ZMYM4: variants seen among roughly 807,000 people sequenced by gnomAD.
ZMYM4 encodes the protein zinc finger MYM-type containing 4, also known as zinc finger MYM-type protein 4.
A neutral mutation model predicts 183.2 loss-of-function variants in ZMYM4; 31 were observed. That is an observed-to-expected ratio of 0.17 (90% CI 0.13 to 0.23). The LOEUF is 0.23. Among genes scored for constraint, ZMYM4 ranks in the 10% least tolerant of loss-of-function variants. The pLI, the probability that ZMYM4 is intolerant of heterozygous loss-of-function variation, is 1.00. For missense variants in ZMYM4, 1,273 were observed against 1,840.3 expected (o/e 0.69, Z 5.64); for synonymous variants, 592 against 631.2 (o/e 0.94, Z 0.93).
At chr1:35,372,994 G>A (rs1372062387) in intron 7 of ZMYM4, among the ~76,000 whole-genome samples, 5 of 151,730 alleles carry the variant, frequency 3.3e-5, no homozygotes, top group African/African-American at 7.3e-5. Context: ...CTCCATCTCT[G>A]GTAAAAATAC....
At chr1:35,352,714 C>G (rs1309651617) in intron 2 of ZMYM4, among the ~76,000 whole-genome samples, 1 of 152,188 alleles carries the variant, frequency 6.6e-6, no homozygotes, top group East Asian at 1.9e-4. Flanking sequence ...CACCAGTCTC[C>G]TCATTTTTCT....
intron 7 of ZMYM4, among the ~76,000 whole-genome samples, chr1:35,378,247 C>T (rs756023685): frequency 6.6e-6 from 1 of 152,128 alleles, no homozygotes; most frequent in Non-Finnish European, 1.5e-5. Flanking sequence ...ATTGAAGTTA[C>T]CTACTTCCAA....
intron 2 of ZMYM4, among the ~76,000 whole-genome samples, chr1:35,330,326 A>G (rs1279151511): frequency 2.0e-5 from 3 of 152,184 alleles, no homozygotes; most frequent in Non-Finnish European, 2.9e-5. Context: ...AGATGATAAT[A>G]TGGCTCTGTG....
chr1:35,274,618 A>T (rs371811600), intron 1 of ZMYM4, among the ~76,000 whole-genome samples: 6,953 of 134,464 alleles, frequency 0.052, 567 homozygotes, highest in East Asian at 0.4. Flanking sequence ...TTTTTTTTTA[A>T]AAAAAAAAAA....
At chr1:35,289,186 G>A (rs1398169651) in intron 1 of ZMYM4, among the ~76,000 whole-genome samples, 1 of 152,204 alleles carries the variant, frequency 6.6e-6, no homozygotes. Flanking sequence ...GTTGGTTTTT[G>A]TGTATGATCT....
chr1:35,352,265 GCGCGCACACACACACACA>G (rs1236428925), intron 2 of ZMYM4, among the ~76,000 whole-genome samples: 11 of 85,488 alleles, frequency 1.3e-4, no homozygotes, highest in East Asian at 4.3e-4. Context: ...GCGCACGCGC[GCGCGCACACACACACACA>G]CACACACACA....
Position 35,415,617 on chromosome 1 carries a change from T to C in ZMYM4, c.4212T>C (p.Phe1404=), listed in dbSNP as rs1640083106. The C allele has an allele frequency of 6.2e-7, 1 of 1,614,052 alleles. No homozygotes were observed. ...KNVTEHLKLS[F]AHVMRRTRTL... Reference sequence around the variant, plus strand: ...TTACTGAGCACTTGAAGCTTTCCTTTGCCCATGTGATGAGACGGACCAGGA... The same window carrying C: ...TTACTGAGCACTTGAAGCTTTCCTTCGCCCATGTGATGAGACGGACCAGGA... The change falls in exon 28 of 30, where the codon TTT becomes TTC. Residue 1404 remains phenylalanine (F), a synonymous_variant. Coordinates refer to ENST00000314607, the MANE Select transcript of ZMYM4 (RefSeq NM_005095.3).
At chr1:35,387,787 T>C (rs936715745) in intron 13 of ZMYM4, among the ~76,000 whole-genome samples, 183 bp downstream of exon 13, 1 of 152,244 alleles carries the variant, frequency 6.6e-6, no homozygotes, top group African/African-American at 2.4e-5. Context: ...ATTATGTAGC[T>C]GTTAAAATGA....
At chr1:35,411,187 CTTTTTTT>C (rs1019150941) in intron 26 of ZMYM4, among the ~76,000 whole-genome samples, 10 of 131,484 alleles carry the variant, frequency 7.6e-5, no homozygotes, top group South Asian at 2.4e-4. Context: ...TTTCTTTTTT[CTTTTTTT>C]TTTTTTTTTG....
chr1:35,321,193 G>T (rs1642266448), intron 1 of ZMYM4, among the ~76,000 whole-genome samples: 2 of 152,258 alleles, frequency 1.3e-5, no homozygotes, highest in African/African-American at 4.8e-5. Context: ...AGTTATTATA[G>T]TTGTTACACA....
At chr1:35,285,030 A>G (rs1640405088) in intron 1 of ZMYM4, among the ~76,000 whole-genome samples, 1 of 151,920 alleles carries the variant, frequency 6.6e-6, no homozygotes, top group African/African-American at 2.4e-5. Context: ...GTTCTGTTCT[A>G]TTTGTCTATA....
At chr1:35,349,333 T>C (rs12093076) in intron 2 of ZMYM4, among the ~76,000 whole-genome samples, 9,790 of 152,232 alleles carry the variant, frequency 0.064, 920 homozygotes, top group East Asian at 0.44. Context: ...ATTATCAAAA[T>C]CTTGGCTGAT....
At chr1:35,357,093 T>A (rs1167980616) in intron 2 of ZMYM4, among the ~76,000 whole-genome samples, 2 of 152,216 alleles carry the variant, frequency 1.3e-5, no homozygotes, top group Non-Finnish European at 2.9e-5. Context: ...TTTTGCTATG[T>A]TGCCCAGGCT....
chr1:35,390,595 CG>C (rs1644683441), intron 15 of ZMYM4, among the ~76,000 whole-genome samples: 1 of 152,064 alleles, frequency 6.6e-6, no homozygotes, highest in African/African-American at 2.4e-5. Context: ...AGGCAGGAAC[CG>C]GCCATCTGGA....
At chr1:35,339,067 C>T (rs1222258348) in intron 2 of ZMYM4, among the ~76,000 whole-genome samples, 1 of 152,076 alleles carries the variant, frequency 6.6e-6, no homozygotes, top group East Asian at 1.9e-4. Context: ...ACAGTTTGCC[C>T]TCTGTATCCA....
intron 21 of ZMYM4, among the ~76,000 whole-genome samples, 169 bp downstream of exon 21, chr1:35,398,635 A>G (rs1240171363): frequency 2.0e-5 from 3 of 152,202 alleles, no homozygotes; most frequent in Admixed American, 6.5e-5. Flanking sequence ...AAGCCACTCA[A>G]ATGTTTGTTT....
At chr1:35,289,107 A>G (rs1341463108) in intron 1 of ZMYM4, among the ~76,000 whole-genome samples, 1 of 152,214 alleles carries the variant, frequency 6.6e-6, no homozygotes, top group African/African-American at 2.4e-5. Flanking sequence ...TAGGTAGTGA[A>G]GAAAACAGGA....
chr1:35,419,169 C>T (rs1288095016), intron 29 of ZMYM4, among the ~76,000 whole-genome samples: 1 of 151,976 alleles, frequency 6.6e-6, no homozygotes, highest in African/African-American at 2.4e-5. Context: ...ATGATTTACA[C>T]TTTGTCTTAT....
chr1:35,418,168 G>T lies in ZMYM4; in HGVS notation c.4310-275G>T, dbSNP rs540665691. On this transcript the variant is annotated intron_variant, in intron 28 of 29. Transcript: ENST00000314607. The stretch of plus-strand genomic sequence containing the variant: ...GCTCAGAATAGAGACGTTTTCCAGT[G>T]CCAGTGCCATACTTTTTGTCATGGT... Among the ~76,000 whole-genome samples the T allele has an allele frequency of 4.6e-5, 7 of 152,298 alleles. No homozygotes were observed. The East Asian group carries it at 1.3e-3, about 29-fold the overall frequency.
Sources: allele counts gnomAD v4.1 joint callset (sites outside exome capture counted in the v4.1 genomes callset), GRCh38; gene constraint gnomAD v4.1.1; transcripts MANE v1.5; gene names NCBI Gene and HGNC (gene_info 2026-07-23, HGNC 2026-07-21).